PDE11A: variants seen among roughly 807,000 people sequenced by gnomAD.
PDE11A encodes dual 3',5'-cyclic-AMP and -GMP phosphodiesterase 11A.
In PDE11A, 100 loss-of-function variants were observed where a neutral mutation model predicts 100.5. The ratio of observed to expected loss-of-function variants is 1.00; its 90% confidence interval spans 0.85 to 1.18. The LOEUF (loss-of-function observed/expected upper bound fraction) is 1.18. Ranked by LOEUF, PDE11A falls within the 50% of genes most tolerant of loss-of-function variation. The pLI is 0.00. For missense variants in PDE11A, 1,141 were observed against 1,152.6 expected (o/e 0.99, Z 0.15); for synonymous variants, 381 against 420.8 (o/e 0.91, Z 1.16).
intron 2 of PDE11A, among the ~76,000 whole-genome samples, chr2:177,928,266 T>C (rs10195497): frequency 0.087 from 13,160 of 152,134 alleles, 539 homozygotes; most frequent in South Asian, 0.1. Flanking sequence ...TAGGCTGAAG[T>C]AGGAGGATCA....
At chr2:177,789,430 T>C (rs564671497) in intron 9 of PDE11A, among the ~76,000 whole-genome samples, 1 of 151,904 alleles carries the variant, frequency 6.6e-6, no homozygotes, top group Admixed American at 6.6e-5. Context: ...ACAGCCAATA[T>C]CATACTGAAT....
chr2:177,953,479 T>C (rs13004202), intron 2 of PDE11A, among the ~76,000 whole-genome samples: 15,902 of 152,176 alleles, frequency 0.1, 1,145 homozygotes, highest in Non-Finnish European at 0.15. Flanking sequence ...GAAAAGTTAA[T>C]ATCATACAAG....
At chr2:177,994,952 C>T (rs550248171) in intron 2 of PDE11A, among the ~76,000 whole-genome samples, 45 of 151,610 alleles carry the variant, frequency 3.0e-4, no homozygotes, top group Non-Finnish European at 4.7e-4. Context: ...CAAAAATAAC[C>T]GAAGTTGTGC....
At chr2:177,683,344 CCTT>C in intron 15 of PDE11A, 1 of 152,282 alleles carries the variant, frequency 6.6e-6, no homozygotes, top group Non-Finnish European at 1.5e-5. Flanking sequence ...CCCAGGAACT[CCTT>C]CTACTTTGGG....
At chr2:177,782,193 T>C (rs890640301) in intron 9 of PDE11A, among the ~76,000 whole-genome samples, 8 of 152,214 alleles carry the variant, frequency 5.3e-5, no homozygotes, top group East Asian at 1.9e-4. Context: ...TCTTGTATTA[T>C]ATAAATCTTG....
At chr2:177,848,831 T>G (rs1558970682) in intron 5 of PDE11A, among the ~76,000 whole-genome samples, 1 of 152,192 alleles carries the variant, frequency 6.6e-6, no homozygotes, top group Non-Finnish European at 1.5e-5. Context: ...CATCTTTAAT[T>G]GTCTGAAAGT....
chr2:177,933,962 C>CAATTG (rs2085241936), intron 2 of PDE11A, among the ~76,000 whole-genome samples: 1 of 152,074 alleles, frequency 6.6e-6, no homozygotes, highest in Admixed American at 6.6e-5. Flanking sequence ...CTACCTTTCA[C>CAATTG]CATATATAAA....
intron 2 of PDE11A, among the ~76,000 whole-genome samples, chr2:177,945,106 T>C (rs1362761891): frequency 3.3e-5 from 5 of 150,102 alleles, no homozygotes; most frequent in Admixed American, 6.6e-5. Flanking sequence ...GCAGAGGGAG[T>C]CTCGTTCACT....
intron 2 of PDE11A, among the ~76,000 whole-genome samples, chr2:177,908,525 G>A (rs1292614733): frequency 6.6e-6 from 1 of 152,184 alleles, no homozygotes; most frequent in African/African-American, 2.4e-5. Context: ...GTAGTGAAAG[G>A]GAGGGAAATG....
chr2:178,028,300 C>CAAAAAAAA (rs5836640), intron 1 of PDE11A, among the ~76,000 whole-genome samples: 62 of 131,362 alleles, frequency 4.7e-4, no homozygotes, highest in South Asian at 2.6e-3. Context: ...CATGTTCCAT[C>CAAAAAAAA]AAAAAAAAAA....
intron 10 of PDE11A, among the ~76,000 whole-genome samples, chr2:177,746,824 G>A (rs771328271): frequency 9.2e-5 from 14 of 152,092 alleles, no homozygotes; most frequent in Non-Finnish European, 1.8e-4. Flanking sequence ...GGAAAAAGAT[G>A]GTGAGAATGA....
At chr2:177,942,550 G>C (rs2085357506) in intron 2 of PDE11A, among the ~76,000 whole-genome samples, 1 of 151,932 alleles carries the variant, frequency 6.6e-6, no homozygotes, top group Non-Finnish European at 1.5e-5. Flanking sequence ...TTACAGGCAT[G>C]TGCCACCACG....
chr2:177,689,104 T>C (rs1286465143), intron 15 of PDE11A, among the ~76,000 whole-genome samples: 5 of 152,160 alleles, frequency 3.3e-5, no homozygotes, highest in Non-Finnish European at 7.4e-5. Flanking sequence ...TTATTTGAGA[T>C]GGAGTTTCAC....
intron 5 of PDE11A, among the ~76,000 whole-genome samples, chr2:177,871,367 GC>G (rs1018601112): frequency 6.6e-6 from 1 of 151,966 alleles, no homozygotes; most frequent in African/African-American, 2.4e-5. Context: ...CTAAGGTAGT[GC>G]TGGGGAGCTG....
At chr2:177,746,967 A>G (rs1052576983) in intron 10 of PDE11A, among the ~76,000 whole-genome samples, 7 of 152,260 alleles carry the variant, frequency 4.6e-5, no homozygotes, top group African/African-American at 1.7e-4. Flanking sequence ...ATCTGAAAGT[A>G]TTAAACAATG....
intron 15 of PDE11A, among the ~76,000 whole-genome samples, chr2:177,691,451 A>G (rs1463099534): frequency 6.6e-6 from 1 of 152,168 alleles, no homozygotes; most frequent in African/African-American, 2.4e-5. Flanking sequence ...GTTTGGAACT[A>G]GCTTTAGACA....
At chr2:177,886,663 G>T (rs1410957116) in intron 4 of PDE11A, among the ~76,000 whole-genome samples, 1 of 152,078 alleles carries the variant, frequency 6.6e-6, no homozygotes, top group Non-Finnish European at 1.5e-5. Context: ...ACTTACTTTT[G>T]GAGGGAGAAA....
intron 10 of PDE11A, among the ~76,000 whole-genome samples, chr2:177,738,387 T>C (rs982437601): frequency 6.6e-6 from 1 of 152,042 alleles, no homozygotes; most frequent in African/African-American, 2.4e-5. Flanking sequence ...AGCAGGAAAG[T>C]GATGGAAGGA....
intron 9 of PDE11A, among the ~76,000 whole-genome samples, chr2:177,777,299 T>C (rs2082391376): frequency 6.6e-6 from 1 of 152,166 alleles, no homozygotes. Context: ...TACAGTCACA[T>C]AACCTCATTA....
Sources: gnomAD v4.1 joint callset for allele counts (sites outside exome capture counted in the v4.1 genomes callset) on GRCh38, gnomAD v4.1.1 for gene constraint, MANE v1.5 for transcripts, NCBI Gene and HGNC (gene_info 2026-07-23, HGNC 2026-07-21) for gene names.